Variants in ZNF653 observed in about 807,000 individuals in gnomAD.
ZNF653 encodes the protein 67 kDa zinc finger protein.
ZNF653 carries 37 observed loss-of-function variants against 59.9 expected under a neutral mutation model. The ratio of observed to expected loss-of-function variants is 0.62; its 90% confidence interval spans 0.48 to 0.81. ZNF653 has a LOEUF of 0.81. Ranked by LOEUF, ZNF653 falls within the 40% of genes least tolerant of loss-of-function variation. The pLI, the probability that ZNF653 is intolerant of heterozygous loss-of-function variation, is 0.00. For synonymous variants in ZNF653, 435 were observed against 371.8 expected (o/e 1.17, Z -1.96); for missense variants, 808 against 881.1 (o/e 0.92, Z 1.05).
chr19:11,499,842 G>C (rs550750343), intron 1 of ZNF653, among the ~76,000 whole-genome samples: 2 of 152,130 alleles, frequency 1.3e-5, no homozygotes, highest in South Asian at 4.2e-4. Flanking sequence ...AGCCTGGGGA[G>C]GTCAAGGCTG....
chr19:11,495,689 TGCCTGGGACTG>T lies in ZNF653; in HGVS notation c.559+250_559+260del. ...GGGCTCCTGGGCCCTCAGCCAGCCCTGCCTGGGACTGGCCTTGGGCACAGATTGGCAAACTG... is the reference window on the plus strand; with the variant it reads ...GGGCTCCTGGGCCCTCAGCCAGCCCTGCCTTGGGCACAGATTGGCAAACTG... On this transcript the variant is annotated intron_variant, in intron 3 of 8. Transcript: ENST00000293771. The surrounding 1 kb of genome is among the most constrained non-coding windows in gnomAD (Gnocchi z 4.9). 2.1e-6 allele frequency: 1 copy of T among 477,450 alleles called. No homozygotes were observed. Among genetic ancestry groups the T allele is most frequent in the East Asian group, 4.0e-5 (1 of 25,054 alleles). The allele number at this position is 477,450 out of a possible 1,614,324, so 29.6% of individuals were successfully genotyped here.
intron 1 of ZNF653, among the ~76,000 whole-genome samples, chr19:11,498,831 G>T (rs1262263676): frequency 6.6e-6 from 1 of 151,640 alleles, no homozygotes; most frequent in East Asian, 1.9e-4. Context: ...TGCAACCTCC[G>T]CCTCCCAGGT....
At position 11,483,645 on chromosome 19, in the gene ZNF653, C is replaced by T. The variant is rs1479150721; in HGVS notation, c.*37G>A. The T allele has an allele frequency of 8.1e-6, 13 of 1,595,768 alleles. No homozygotes were observed. The highest frequency in any genetic ancestry group is 1.7e-5 in the Admixed American group (1 of 59,446). ...GGCAAGCCCGGGCGTGGTGTCCGAG[C>T]GGACGAATAAATAGGGGCGGTCAGT... On this transcript the variant is annotated 3_prime_UTR_variant, in exon 9 of 9. Coordinates refer to ENST00000293771, the MANE Select transcript of ZNF653 (RefSeq NM_138783.4).
At position 11,487,352 on chromosome 19, in the gene ZNF653, C is replaced by T. The variant is rs780363651; in HGVS notation, c.1111G>A (p.Glu371Lys). 21 of 1,613,360 alleles carry T rather than the reference C, an allele frequency of 1.3e-5. No individual in the cohort carries two copies. Among genetic ancestry groups the T allele is most frequent in the Non-Finnish European group, 1.5e-5 (18 of 1,179,910 alleles). Residue 371 changes from glutamate (E) to lysine (K), a missense_variant, in exon 4 of 9, where the codon GAG (glutamate) becomes AAG (lysine). Glu to Lys is a moderately conservative substitution (Grantham distance 56). Coordinates refer to ENST00000293771, the MANE Select transcript of ZNF653 (RefSeq NM_138783.4). The surrounding 1 kb of genome is among the most constrained non-coding windows in gnomAD (Gnocchi z 5.1). ...TCCATGGTGCTAGGCTGGCTACCCTCGGGCTCTGTCTGGGTGTAGGCTGCC... is the reference window on the plus strand; with the variant it reads ...TCCATGGTGCTAGGCTGGCTACCCTTGGGCTCTGTCTGGGTGTAGGCTGCC... ...GVAAYTQTEP[E>K]GSQPSTMDAT...
At position 11,487,520 on chromosome 19, in the gene ZNF653, G is replaced by T. The variant is rs1971481595; in HGVS notation, c.943C>A (p.Pro315Thr). The change falls in exon 4 of 9, where the codon CCC (proline) becomes ACC (threonine). Residue 315 changes from proline (P) to threonine (T), a missense_variant. Transcript: ENST00000293771. This position sits in a 1 kb window ranked among gnomAD's most constrained non-coding sequence, Gnocchi z 5.1. ...GCAATGATGATCACCTGTGAGCCGG[G>T]CACCATGCCTGGCATGGGGCAGCTG... ...VASCPMPGMV[P>T]GSQVIIIAGP... 6.2e-7 allele frequency: 1 copy of T among 1,613,884 alleles called. No homozygotes were observed. The highest frequency in any genetic ancestry group is 2.2e-5 in the East Asian group (1 of 44,862).
intron 1 of ZNF653, chr19:11,504,500 G>GT: frequency 1.0e-6 from 1 of 985,294 alleles, no homozygotes; most frequent in Non-Finnish European, 1.2e-6. Flanking sequence ...CATGAGGCAG[G>GT]TATCTTTGCG....
At chr19:11,488,417 G>A (rs1399535715) in intron 3 of ZNF653, among the ~76,000 whole-genome samples, 1 of 151,828 alleles carries the variant, frequency 6.6e-6, no homozygotes, top group African/African-American at 2.4e-5. Context: ...TGGGATTACA[G>A]GTGTGAGCCA....
chr19:11,490,799 C>G (rs531235557), intron 3 of ZNF653, among the ~76,000 whole-genome samples: 1 of 152,166 alleles, frequency 6.6e-6, no homozygotes, highest in Admixed American at 6.5e-5. Context: ...TCATTGGCCC[C>G]CTAAGAGTGT....
intron 3 of ZNF653, among the ~76,000 whole-genome samples, chr19:11,489,896 C>A (rs55810561): frequency 6.6e-6 from 1 of 152,290 alleles, no homozygotes; most frequent in South Asian, 2.1e-4. Context: ...CTCTCCTCAG[C>A]GCTCACCTTA....
chr19:11,504,462 T>C, intron 1 of ZNF653: 5 of 916,016 alleles, frequency 5.5e-6, no homozygotes, highest in Non-Finnish European at 6.5e-6. Flanking sequence ...GAACAAGCCA[T>C]CCCCTCTGCC....
intron 1 of ZNF653, chr19:11,504,582 C>T: frequency 1.0e-6 from 1 of 985,258 alleles, no homozygotes; most frequent in Non-Finnish European, 1.2e-6. Context: ...GTGGGTATAA[C>T]TTAGCAGGAT....
At chr19:11,502,958 C>T (rs553771039) in intron 1 of ZNF653, among the ~76,000 whole-genome samples, 1 of 149,466 alleles carries the variant, frequency 6.7e-6, no homozygotes, top group East Asian at 2.1e-4. Flanking sequence ...CGCTTGAACG[C>T]GGGAGGCAGA....
rs1050233489 is a variant in ZNF653, at chr19:11,495,190, ACCC to A, written c.559+757_559+759del. On this transcript the variant is annotated intron_variant, in intron 3 of 8. Transcript: ENST00000293771. This position sits in a 1 kb window ranked among gnomAD's most constrained non-coding sequence, Gnocchi z 4.9. ...ACGCTCCTTCTCCAGCCATTGCCGAACCCCTGAGGCTGCCGGCAGCCCCCTCAC... is the reference window on the plus strand; with the variant it reads ...ACGCTCCTTCTCCAGCCATTGCCGAACTGAGGCTGCCGGCAGCCCCCTCAC... Among the ~76,000 whole-genome samples the A allele has an allele frequency of 2.2e-4, 33 of 152,000 alleles. No homozygotes were observed. The highest frequency in any genetic ancestry group is 4.1e-4 in the Non-Finnish European group (28 of 67,984).
chr19:11,505,436 C>G (rs1971705611), intron 1 of ZNF653, 52 bp downstream of exon 1: 3 of 1,376,162 alleles, frequency 2.2e-6, no homozygotes, highest in Non-Finnish European at 2.8e-6. Flanking sequence ...TAAAGCCCGG[C>G]GGGGTCTGGG....
intron 3 of ZNF653, among the ~76,000 whole-genome samples, chr19:11,494,517 C>T (rs1430065061): frequency 5.9e-5 from 9 of 152,014 alleles, no homozygotes; most frequent in Non-Finnish European, 8.8e-5. Flanking sequence ...TGGTGAAACC[C>T]AGTGTCTACT....
chr19:11,498,137 C>T (rs562528429), intron 2 of ZNF653, among the ~76,000 whole-genome samples, 159 bp downstream of exon 2: 1 of 152,328 alleles, frequency 6.6e-6, no homozygotes, highest in South Asian at 2.1e-4. Context: ...AAGGACACTG[C>T]GCCTGAGACA....
intron 1 of ZNF653, among the ~76,000 whole-genome samples, chr19:11,500,381 T>C (rs1971631271): frequency 6.6e-6 from 1 of 152,178 alleles, no homozygotes; most frequent in Non-Finnish European, 1.5e-5. Flanking sequence ...GTCACCCAGG[T>C]TGGAGTGGAG....
At chr19:11,484,275 A>T in intron 7 of ZNF653, 134 bp from the exon 8 acceptor site, 1 of 703,722 alleles carries the variant, frequency 1.4e-6, no homozygotes, top group East Asian at 2.7e-5. Flanking sequence ...GGCCGACCAA[A>T]CCCTACGTCC....
chr19:11,494,783 T>C (rs1195720447), intron 3 of ZNF653, among the ~76,000 whole-genome samples: 3 of 152,172 alleles, frequency 2.0e-5, no homozygotes, highest in Non-Finnish European at 4.4e-5. Context: ...GCCTGACCCA[T>C]CACCAAATGG....
Sources: gnomAD v4.1 joint callset for allele counts (sites outside exome capture counted in the v4.1 genomes callset) on GRCh38, gnomAD v4.1.1 for gene constraint, Gnocchi (gnomAD v3.1) non-coding constraint, MANE v1.5 for transcripts, NCBI Gene and HGNC (gene_info 2026-07-23, HGNC 2026-07-21) for gene names.